The following GLB1 variants were observed in gnomAD, a reference collection of about 807,000 sequenced individuals.
GLB1 encodes galactosidase beta 1.
GLB1 carries 56 observed loss-of-function variants against 74.0 expected under a neutral mutation model. The observed-to-expected ratio is 0.76, with a 90% confidence interval of 0.61 to 0.94. The LOEUF is 0.94. Among genes scored for constraint, GLB1 ranks in the 40% least tolerant of loss-of-function variants. GLB1 has a pLI of 0.00. For missense variants in GLB1, 787 were observed against 845.5 expected (o/e 0.93, Z 0.86); for synonymous variants, 323 against 323.6 (o/e 1.00, Z 0.02).
chr3:33,022,865 A>G (rs1390456701), intron 11 of GLB1, among the ~76,000 whole-genome samples: 1 of 152,052 alleles, frequency 6.6e-6, no homozygotes, highest in Non-Finnish European at 1.5e-5. Flanking sequence ...CAGCCCAGTT[A>G]GGAATTTCAT....
chr3:33,083,483 AT>A (rs1327821976), intron 1 of GLB1, among the ~76,000 whole-genome samples: 1 of 151,958 alleles, frequency 6.6e-6, no homozygotes, highest in African/African-American at 2.4e-5. Flanking sequence ...TTCAGAGTGT[AT>A]TCCCCCCAAA....
chr3:33,076,231 A>T (rs1024910625), intron 1 of GLB1, among the ~76,000 whole-genome samples: 6 of 152,190 alleles, frequency 3.9e-5, no homozygotes, highest in Non-Finnish European at 8.8e-5. Flanking sequence ...GGGGAAGGTG[A>T]CACAGATGGA....
rs374247971 is a variant in GLB1, at chr3:33,007,521, A to G, written c.1734+6535T>C. On this transcript the variant is annotated intron_variant, in intron 15 of 15. Coordinates refer to ENST00000307363, the MANE Select transcript of GLB1 (RefSeq NM_000404.4). ...AGCCTAATGTTTTCAAAATTCTTCC[A>G]TGTTGTAACATGTATCAATACTTCA... 2.6e-5 allele frequency among the ~76,000 whole-genome samples: 4 copies of G among 152,224 alleles called. No homozygotes were observed. In the East Asian group the frequency reaches 7.7e-4, roughly 29 times the overall value.
chr3:33,034,880 C>A, intron 10 of GLB1: 2 of 463,812 alleles, frequency 4.3e-6, no homozygotes, highest in South Asian at 1.7e-5. Context: ...TTAACATGAT[C>A]AGAGATGGTT....
In GLB1 at chr3:33,068,989, C is replaced by A. The variant is rs1380469426; in HGVS notation, c.246-19G>T. On this transcript the variant is annotated intron_variant, in intron 2 of 15. Coordinates refer to ENST00000307363, the MANE Select transcript of GLB1 (RefSeq NM_000404.4). ...CACATACCTGCCAAGACACACACAG[C>A]CCCTTCCTGGATACTTGGCAGAGTC... 1 of 1,614,002 alleles carries A rather than the reference C, an allele frequency of 6.2e-7. No individual in the cohort carries two copies. Among genetic ancestry groups the A allele is most frequent in the African/African-American group, 1.3e-5 (1 of 74,908 alleles).
chr3:33,086,228 C>T (rs533323829), intron 1 of GLB1, among the ~76,000 whole-genome samples: 1 of 151,916 alleles, frequency 6.6e-6, no homozygotes, highest in Non-Finnish European at 1.5e-5. Flanking sequence ...TTCACCCACC[C>T]AGAAGAAAAG....
In GLB1 at chr3:32,997,155, G is replaced by T; in HGVS notation, c.1924C>A (p.Pro642Thr). ...TAGGTCACAGATGAGCCAATAACTG[G>T]CCTGTCCACGAACGTCACAGCACAT... ...ELCAVTFVDR[P>T]VIGSSVTYDH... Residue 642 changes from proline (P) to threonine (T), a missense_variant, in exon 16 of 16, where the codon CCA becomes ACA. By Grantham distance (38) the Pro-to-Thr change is conservative. Transcript: ENST00000307363. The T allele has an allele frequency of 1.2e-6, 2 of 1,614,146 alleles. No homozygotes were observed. Among genetic ancestry groups the T allele is most frequent in the African/African-American group, 1.3e-5 (1 of 75,024 alleles).
rs1694953554 is a variant in GLB1 at position 33,072,581 on chromosome 3, G to C, written c.208C>G (p.Leu70Val). ...VPRFYWKDRL[L>V]KMKMAGLNAI... The stretch of plus-strand genomic sequence containing the variant: ...TTCAGCCCAGCCATCTTCATCTTCA[G>C]CAGCCGGTCCTTCCAGTAGAAGCGG... Residue 70 changes from leucine to valine, a missense_variant, in exon 2 of 16, where the codon CTG (leucine) becomes GTG (valine). Physicochemically the swap from Leu to Val is conservative, Grantham distance 32. Transcript: ENST00000307363. 6.2e-7 allele frequency: 1 copy of C among 1,613,748 alleles called. No homozygotes were observed. The highest frequency in any genetic ancestry group is 8.5e-7 in the Non-Finnish European group (1 of 1,180,028).
At chr3:33,001,783 G>A (rs1372923106) in intron 15 of GLB1, among the ~76,000 whole-genome samples, 2 of 152,164 alleles carry the variant, frequency 1.3e-5, no homozygotes, top group Admixed American at 1.3e-4. Context: ...GAGGTGACAT[G>A]AAGCCCTTCT....
At chr3:33,021,710 T>C (rs1004219426) in intron 11 of GLB1, 55 bp from the exon 12 acceptor site, 33 of 1,576,822 alleles carry the variant, frequency 2.1e-5, no homozygotes, top group Non-Finnish European at 2.9e-5. Context: ...GGTCATCAGG[T>C]TACAGAGTCA....
intron 1 of GLB1, among the ~76,000 whole-genome samples, chr3:33,087,302 G>A (rs772553323): frequency 5.3e-5 from 8 of 152,100 alleles, no homozygotes; most frequent in Non-Finnish European, 1.0e-4. Flanking sequence ...GGGTACGGTG[G>A]CTCCCGCCTG....
chr3:33,035,690 G>A (rs182549051), intron 10 of GLB1, among the ~76,000 whole-genome samples: 7 of 152,142 alleles, frequency 4.6e-5, no homozygotes, highest in South Asian at 2.1e-4. Context: ...TAACCATGCC[G>A]GCATTTTCAC....
rs1462359983 is a variant in GLB1, at chr3:33,024,015, A to G, written c.1143+236T>C. On this transcript the variant is annotated intron_variant, in intron 11 of 15. Transcript: ENST00000307363. ...TGACCCAAATGATCCAAGAATGCCT[A>G]CTACTCCCACCCATGTCTCATCTGC... Among the ~76,000 whole-genome samples, 7 of 152,214 alleles carry G rather than the reference A, an allele frequency of 4.6e-5. No homozygotes were observed. In the East Asian group the frequency reaches 1.3e-3, roughly 29 times the overall value.
Position 33,072,577 on chromosome 3 carries a change from T to C in GLB1, c.212A>G (p.Lys71Arg), listed in dbSNP as rs1699924302. Reference sequence around the variant, plus strand: ...GGCGTTCAGCCCAGCCATCTTCATCTTCAGCAGCCGGTCCTTCCAGTAGAA... The same window carrying C: ...GGCGTTCAGCCCAGCCATCTTCATCCTCAGCAGCCGGTCCTTCCAGTAGAA... ...PRFYWKDRLL[K>R]MKMAGLNAIQ... is the part of the protein sequence containing the mutation. Residue 71 changes from lysine (K) to arginine (R), a missense_variant, in exon 2 of 16, where the codon AAG (lysine) becomes AGG (arginine). Lys to Arg is a conservative substitution (Grantham distance 26, BLOSUM62 2). Coordinates refer to ENST00000307363, the MANE Select transcript of GLB1 (RefSeq NM_000404.4). 6.2e-7 allele frequency: 1 copy of C among 1,613,858 alleles called. No individual in the cohort carries two copies. Among genetic ancestry groups the C allele is most frequent in the South Asian group, 1.1e-5 (1 of 91,050 alleles).
intron 1 of GLB1, chr3:33,094,399 T>C: frequency 7.5e-7 from 1 of 1,329,320 alleles, no homozygotes; most frequent in South Asian, 2.5e-5. Context: ...CAACCCACCT[T>C]GAATCCAAGC....
chr3:33,056,613 C>T (rs1699234109), intron 6 of GLB1, among the ~76,000 whole-genome samples: 2 of 152,244 alleles, frequency 1.3e-5, no homozygotes, highest in Middle Eastern at 3.4e-3. Flanking sequence ...TTCAAACTTA[C>T]AGAATGTTGT....
intron 7 of GLB1, among the ~76,000 whole-genome samples, chr3:33,052,400 G>A (rs1042556898): frequency 3.3e-5 from 5 of 152,130 alleles, no homozygotes; most frequent in African/African-American, 4.8e-5. Flanking sequence ...TTGGGAGGCC[G>A]AGGTGGGCGG....
chr3:32,975,296 G>C, the GLB1 span, among the ~76,000 whole-genome samples: 18 of 152,162 alleles, frequency 1.2e-4, no homozygotes, highest in African/African-American at 3.9e-4. Flanking sequence ...TGTTGCCCAG[G>C]CTGGTTTCAA....
intron 9 of GLB1, among the ~76,000 whole-genome samples, chr3:33,051,240 A>AAG (rs1478559204): frequency 6.7e-6 from 1 of 150,080 alleles, no homozygotes; most frequent in African/African-American, 2.4e-5. Context: ...TCTCAAAAAA[A>AAG]AAAAAAAAAA....
Sources: gnomAD v4.1 joint callset for allele counts (sites outside exome capture counted in the v4.1 genomes callset) on GRCh38, gnomAD v4.1.1 for gene constraint, MANE v1.5 for transcripts, NCBI Gene and HGNC (gene_info 2026-07-23, HGNC 2026-07-21) for gene names.